The following THOP1 variants were observed in gnomAD, a reference collection of about 807,000 sequenced individuals.
THOP1 encodes thimet oligopeptidase.
Under a neutral mutation model 71.8 loss-of-function variants are expected in THOP1, and 49 were observed. The observed-to-expected ratio is 0.68, with a 90% CI of 0.54 to 0.87. THOP1 has a LOEUF of 0.87. Ranked by LOEUF, THOP1 falls within the 40% of genes least tolerant of loss-of-function variation. The pLI is 0.00. For synonymous variants in THOP1, 426 were observed against 421.5 expected (o/e 1.01, Z -0.13); for missense variants, 843 against 975.6 (o/e 0.86, Z 1.81).
At chr19:2,795,620 T>A (rs1455336642) in intron 3 of THOP1, among the ~76,000 whole-genome samples, 1 of 152,250 alleles carries the variant, frequency 6.6e-6, no homozygotes, top group Non-Finnish European at 1.5e-5. Flanking sequence ...CTCACAACGT[T>A]GCCCACGCTT....
chr19:2,792,205 C>A (rs1377397140), intron 2 of THOP1, among the ~76,000 whole-genome samples: 1 of 152,212 alleles, frequency 6.6e-6, no homozygotes, highest in East Asian at 1.9e-4. Flanking sequence ...TCAGGCCTGG[C>A]CCAGAGCCCC....
At chr19:2,807,845 GCCCTGGGTCTCCTC>G in intron 8 of THOP1, 37 bp downstream of exon 8, 1 of 1,431,612 alleles carries the variant, frequency 7.0e-7, no homozygotes, top group South Asian at 1.5e-5. Flanking sequence ...GCGCACCCCG[GCCCTGGGTCTCCTC>G]GGAGCCCGGT....
chr19:2,802,867 A>C (rs1325199315), intron 5 of THOP1, among the ~76,000 whole-genome samples: 1 of 152,222 alleles, frequency 6.6e-6, no homozygotes, highest in African/African-American at 2.4e-5. Context: ...CCGGGTTATC[A>C]TTCATTATCA....
chr19:2,799,001 C>G (rs1022075634), intron 4 of THOP1, among the ~76,000 whole-genome samples: 3 of 152,210 alleles, frequency 2.0e-5, no homozygotes, highest in Admixed American at 6.5e-5. Flanking sequence ...TTAGCTGTTT[C>G]TAAAACCAGC....
rs1915720274 is a variant in THOP1 at position 2,785,565 on chromosome 19, C to T, written c.-98C>T. 5 of 1,375,030 alleles carry T rather than the reference C, an allele frequency of 3.6e-6. 1 individual carries two copies. In the South Asian group the frequency reaches 7.7e-5, roughly 21 times the overall value. 85.2% of individuals were successfully genotyped at this position (1,375,030 alleles called of 1,614,324 possible). On this transcript the variant is annotated 5_prime_UTR_variant, in exon 1 of 13. Transcript: ENST00000307741. The stretch of plus-strand genomic sequence containing the variant: ...CCTCAGGCGGCCGTGGCGGCGGTGG[C>T]GGCGGTTGGGCCGAGGCAGGCGGCC...
intron 2 of THOP1, among the ~76,000 whole-genome samples, chr19:2,793,667 G>T (rs1052246174): frequency 6.6e-6 from 1 of 152,180 alleles, no homozygotes; most frequent in African/African-American, 2.4e-5. Context: ...TCCAGCTTGG[G>T]CAACAGAGTG....
chr19:2,793,253 C>T (rs901282677), intron 2 of THOP1, among the ~76,000 whole-genome samples: 4 of 152,160 alleles, frequency 2.6e-5, no homozygotes, highest in Non-Finnish European at 5.9e-5. Context: ...TGTTACCATT[C>T]TTTCATTTTA....
rs1916556247 is a variant in THOP1, at chr19:2,814,175, G to A, written c.*899G>A. On this transcript the variant is annotated 3_prime_UTR_variant, in exon 13 of 13. Transcript: ENST00000307741. ...CCCTGGCTGTGGGCAACATGGCAAA[G>A]TCTTGATCGGGGGTGCAGGGTCGGG... The A allele has an allele frequency of 6.5e-6, 1 of 153,300 alleles. No homozygotes were observed. Among genetic ancestry groups the A allele is most frequent in the Non-Finnish European group, 1.4e-5 (1 of 68,982 alleles). The allele number at this position is 153,300 out of a possible 1,614,324, so 9.5% of individuals were successfully genotyped here.
chr19:2,810,305 C>T lies in THOP1; in HGVS notation c.1457C>T (p.Ala486Val), dbSNP rs1482833224. The change falls in exon 10 of 13, where the codon GCG (alanine) becomes GTG (valine). Residue 486 changes from alanine to valine, a missense_variant and splice_region_variant. Ala to Val is a moderately conservative substitution (Grantham distance 64). Coordinates refer to ENST00000307741, the MANE Select transcript of THOP1 (RefSeq NM_003249.5). ...GHVMHQLCSQ[A>V]EFAMFSGTHV... ...TGAGGCTCTGCCCCATCCCTGCAGG[C>T]GGAGTTCGCCATGTTCAGCGGGACC... The T allele has an allele frequency of 5.0e-6, 8 of 1,610,394 alleles. No individual in the cohort carries two copies. Among genetic ancestry groups the T allele is most frequent in the South Asian group, 2.2e-5 (2 of 90,832 alleles).
chr19:2,788,513 T>A (rs558576842), intron 1 of THOP1, among the ~76,000 whole-genome samples: 1 of 152,250 alleles, frequency 6.6e-6, no homozygotes, highest in Non-Finnish European at 1.5e-5. Context: ...AGTTTCACTC[T>A]TGTTGCCCAG....
chr19:2,813,075 T>C, intron 12 of THOP1, 40 bp from the exon 13 acceptor site: 1 of 1,570,664 alleles, frequency 6.4e-7, no homozygotes, highest in Non-Finnish European at 8.7e-7. Flanking sequence ...CCTTCCTCCC[T>C]GGGTCCCCAC....
At position 2,804,881 on chromosome 19, in the gene THOP1, C is replaced by T; in HGVS notation, c.590-135C>T. 1.2e-6 allele frequency: 1 copy of T among 832,046 alleles called. No homozygotes were observed. Among genetic ancestry groups the T allele is most frequent in the Non-Finnish European group, 1.8e-6 (1 of 555,152 alleles). The allele number at this position is 832,046 out of a possible 1,614,324, so 51.5% of individuals were successfully genotyped here. A position where few individuals can be genotyped will look rare whatever the true frequency, so the allele number is the denominator to read the frequency against. On this transcript the variant is annotated intron_variant, in intron 5 of 12. Transcript: ENST00000307741. The surrounding 1 kb of genome is among the most constrained non-coding windows in gnomAD (Gnocchi z 4.7). ...TGTAAGAATTGCAGCGGGTGGTGGCCAGGCTGCAGCTGCTCGCTGAGGGCC... is the reference window on the plus strand; with the variant it reads ...TGTAAGAATTGCAGCGGGTGGTGGCTAGGCTGCAGCTGCTCGCTGAGGGCC...
intron 12 of THOP1, 66 bp from the exon 13 acceptor site, chr19:2,813,049 C>A: frequency 6.6e-7 from 1 of 1,520,070 alleles, no homozygotes; most frequent in Non-Finnish European, 8.9e-7. Flanking sequence ...GGTGTGCAGA[C>A]TCCTGGGGTC....
intron 8 of THOP1, 43 bp from the exon 9 acceptor site, chr19:2,808,200 T>C (rs1016072027): frequency 1.3e-6 from 2 of 1,529,192 alleles, no homozygotes; most frequent in Non-Finnish European, 1.8e-6. Flanking sequence ...ACTCTTGCGG[T>C]GTCTCTAGTC....
Position 2,810,284 on chromosome 19 carries a change from G to T in THOP1, c.1456-20G>T. On this transcript the variant is annotated intron_variant, in intron 9 of 12. Coordinates refer to ENST00000307741, the MANE Select transcript of THOP1 (RefSeq NM_003249.5). ...CTAGGCAGGACCTGGGCACTCTGAGGCTCTGCCCCATCCCTGCAGGCGGAG... is the reference window on the plus strand; with the variant it reads ...CTAGGCAGGACCTGGGCACTCTGAGTCTCTGCCCCATCCCTGCAGGCGGAG... 6.2e-7 allele frequency: 1 copy of T among 1,607,584 alleles called. No individual in the cohort carries two copies.
chr19:2,796,018 A>G lies in THOP1; in HGVS notation c.379-63A>G, dbSNP rs377601570. On this transcript the variant is annotated intron_variant, in intron 3 of 12. Transcript: ENST00000307741. ...ATGATCAGGTTTTTAAGAAACTGCC[A>G]AACTGCTCTTTGGAGCGGCTGCACT... The G allele has an allele frequency of 5.8e-6, 8 of 1,379,132 alleles. No homozygotes were observed. The East Asian group carries it at 7.1e-5, about 12-fold the overall frequency. The allele number at this position is 1,379,132 out of a possible 1,614,324, so 85.4% of individuals were successfully genotyped here.
At chr19:2,810,210 C>A in intron 9 of THOP1, 94 bp from the exon 10 acceptor site, 1 of 1,460,988 alleles carries the variant, frequency 6.8e-7, no homozygotes, top group Non-Finnish European at 9.2e-7. Flanking sequence ...TGTGCACTCG[C>A]CCTGTTTGCA....
intron 1 of THOP1, 28 bp downstream of exon 1, chr19:2,785,706 G>A: frequency 7.0e-7 from 1 of 1,430,970 alleles, no homozygotes; most frequent in Non-Finnish European, 9.2e-7. Flanking sequence ...CGCCGGACCC[G>A]GGCGTCCCCT....
At chr19:2,788,655 T>C (rs1023720533) in intron 1 of THOP1, among the ~76,000 whole-genome samples, 2 of 152,192 alleles carry the variant, frequency 1.3e-5, no homozygotes, top group Non-Finnish European at 2.9e-5. Flanking sequence ...ATTTTTGTAT[T>C]TTTAGTAGAG....
Sources: gnomAD v4.1 joint callset for allele counts (sites outside exome capture counted in the v4.1 genomes callset) on GRCh38, gnomAD v4.1.1 for gene constraint, Gnocchi (gnomAD v3.1) non-coding constraint, MANE v1.5 for transcripts, NCBI Gene and HGNC (gene_info 2026-07-23, HGNC 2026-07-21) for gene names.